The following MOB3C variants were observed in gnomAD, a reference collection of about 807,000 sequenced individuals.
The protein encoded by MOB3C is MOB1, Mps One Binder kinase activator-like 2C.
MOB3C carries 17 observed loss-of-function variants against 19.8 expected under a neutral mutation model. The observed-to-expected ratio is 0.86, with a 90% confidence interval of 0.59 to 1.29. The LOEUF (loss-of-function observed/expected upper bound fraction) is 1.29. Among genes scored for constraint, MOB3C ranks in the 50% most tolerant of loss-of-function variants. MOB3C has a pLI of 0.00. For missense variants in MOB3C, 291 were observed against 301.9 expected (o/e 0.96, Z 0.27); for synonymous variants, 101 against 119.2 (o/e 0.85, Z 0.99).
intron 1 of MOB3C, 38 bp from the exon 2 acceptor site, chr1:46,613,409 G>A (rs778883520): frequency 1.3e-6 from 2 of 1,535,856 alleles, no homozygotes; most frequent in Non-Finnish European, 1.8e-6. Flanking sequence ...TGGCGGTCAA[G>A]GCCTTATCAT....
rs1343755115 is a variant in MOB3C, at chr1:46,613,240, AGCGCT to A, written c.77_81del (p.Gln26LeufsTer2). The A allele has an allele frequency of 6.2e-7, 1 of 1,614,072 alleles. No homozygotes were observed. Among genetic ancestry groups the A allele is most frequent in the Admixed American group, 1.7e-5 (1 of 60,026 alleles). ...GCCTGTGCCTTCTTGTACAGCTCAAAGCGCTGTGTGCCCGGCTCAAAGCGCTTCCG... is the reference window on the plus strand; with the variant it reads ...GCCTGTGCCTTCTTGTACAGCTCAAAGTGTGCCCGGCTCAAAGCGCTTCCG... On this transcript the variant is annotated frameshift_variant, in exon 2 of 4. Transcript: ENST00000319928. LOFTEE classifies it high-confidence loss of function.
chr1:46,609,345 C>T lies in MOB3C; in HGVS notation c.*310G>A. ...GCCACACCCACATTCCTCCAATAGG[C>T]TTGGGAACCAGCATGGAAGGGTCAA... On this transcript the variant is annotated 3_prime_UTR_variant, in exon 4 of 4. Coordinates refer to ENST00000319928, the MANE Select transcript of MOB3C (RefSeq NM_201403.3). 1 of 475,334 alleles carries T rather than the reference C, an allele frequency of 2.1e-6. No homozygotes were observed. 29.4% of individuals were successfully genotyped at this position (475,334 alleles called of 1,614,324 possible). A position where few individuals can be genotyped will look rare whatever the true frequency, so the allele number is the denominator to read the frequency against.
At chr1:46,614,793 G>T in intron 1 of MOB3C, 1 of 548,490 alleles carries the variant, frequency 1.8e-6, no homozygotes. Flanking sequence ...CACATATTTC[G>T]GGGAGGGGTA....
intron 1 of MOB3C, chr1:46,615,165 T>C: frequency 2.0e-6 from 2 of 990,542 alleles, no homozygotes; most frequent in Non-Finnish European, 3.2e-6. Context: ...GCTCCCCACA[T>C]TGCATGGCCC....
chr1:46,616,631 C>T (rs914506393), intron 1 of MOB3C, 80 bp downstream of exon 1: 5 of 152,530 alleles, frequency 3.3e-5, no homozygotes, highest in African/African-American at 1.2e-4. Context: ...TGTGCCACGC[C>T]AGGACGGCCG....
intron 1 of MOB3C, chr1:46,614,767 A>G (rs539471471): frequency 1.9e-6 from 1 of 538,080 alleles, no homozygotes; most frequent in East Asian, 3.0e-5. Context: ...ACACCTGGGT[A>G]AAAGCAAAGG....
rs1675472730 is a variant in MOB3C, at chr1:46,611,776, C to T, written c.418+1128G>A. Among the ~76,000 whole-genome samples the T allele has an allele frequency of 6.6e-6, 1 of 152,214 alleles. No individual in the cohort carries two copies. The highest frequency in any genetic ancestry group is 2.4e-5 in the African/African-American group (1 of 41,452). ...ACTTTCCCTCAGTAGCCTCAAGTTT[C>T]CTCCTATGTAAAATGAAGGTGCTCC... On this transcript the variant is annotated intron_variant, in intron 2 of 3. Coordinates refer to ENST00000319928, the MANE Select transcript of MOB3C (RefSeq NM_201403.3). The surrounding 1 kb of genome is among the most constrained non-coding windows in gnomAD (Gnocchi z 4.1).
chr1:46,613,546 ATG>A, intron 1 of MOB3C, 175 bp from the exon 2 acceptor site: 1 of 629,108 alleles, frequency 1.6e-6, no homozygotes, highest in South Asian at 2.0e-5. Flanking sequence ...TTTCCAGGCT[ATG>A]TTAGTCCCCC....
At chr1:46,616,313 C>G (rs1179343298) in intron 1 of MOB3C, 1 of 152,332 alleles carries the variant, frequency 6.6e-6, no homozygotes, top group Admixed American at 6.5e-5. Context: ...GGGACTCTCT[C>G]TAGGACAGAG....
chr1:46,610,092 C>T lies in MOB3C; in HGVS notation c.531G>A (p.Gly177=), dbSNP rs989268746. The part of the protein sequence containing the change: ...IHHFDSILSM[G]AEAHVNTCYK... ...AGCAGGTGTTGACGTGCGCCTCTGC[C>T]CCCATGCTGAGGATGCTATCGAAGT... The change falls in exon 3 of 4, where the codon GGG becomes GGA. Residue 177 remains glycine, a synonymous_variant. Transcript: ENST00000319928. 2.5e-6 allele frequency: 4 copies of T among 1,614,062 alleles called. No homozygotes were observed. In the African/African-American group the frequency reaches 4.0e-5, roughly 16 times the overall value.
At position 46,613,144 on chromosome 1, in the gene MOB3C, T is replaced by C. The variant is rs1301459575; in HGVS notation, c.178A>G (p.Ile60Val). The C allele has an allele frequency of 2.5e-6, 4 of 1,614,252 alleles. No individual in the cohort carries two copies. In the South Asian group the frequency reaches 3.3e-5, roughly 13 times the overall value. ...LPPGENIDDW[I>V]AVHVVDFFNR... ...AAGAAGTCCACCACGTGCACGGCGA[T>C]CCAGTCGTCGATGTTCTCCCCGGGT... Residue 60 changes from isoleucine (I) to valine (V), a missense_variant, in exon 2 of 4, where the codon ATC becomes GTC. By Grantham distance (29) the Ile-to-Val change is conservative (BLOSUM62 3). Coordinates refer to ENST00000319928, the MANE Select transcript of MOB3C (RefSeq NM_201403.3).
intron 2 of MOB3C, 72 bp from the exon 3 acceptor site, chr1:46,610,276 C>T (rs1675443672): frequency 2.1e-6 from 3 of 1,435,910 alleles, no homozygotes; most frequent in African/African-American, 1.4e-5. Context: ...TTCCCTCCCA[C>T]ACACAGGCAA....
chr1:46,613,493 T>A, intron 1 of MOB3C, 122 bp from the exon 2 acceptor site: 1 of 980,042 alleles, frequency 1.0e-6, no homozygotes, highest in Non-Finnish European at 1.5e-6. Flanking sequence ...ATCCTCTGCC[T>A]GGAATCTAAG....
Position 46,611,759 on chromosome 1 carries a change from T to C in MOB3C, c.418+1145A>G, listed in dbSNP as rs1675472517. Among the ~76,000 whole-genome samples, 1 of 152,178 alleles carries C rather than the reference T, an allele frequency of 6.6e-6. No individual in the cohort carries two copies. The stretch of plus-strand genomic sequence containing the variant: ...TCCTCCCAGTTCAGTGCACTTTCCC[T>C]CAGTAGCCTCAAGTTTCCTCCTATG... On this transcript the variant is annotated intron_variant, in intron 2 of 3. Coordinates refer to ENST00000319928, the MANE Select transcript of MOB3C (RefSeq NM_201403.3). This position sits in a 1 kb window ranked among gnomAD's most constrained non-coding sequence, Gnocchi z 4.1.
chr1:46,610,920 T>G (rs1675454155), intron 2 of MOB3C, among the ~76,000 whole-genome samples: 1 of 152,188 alleles, frequency 6.6e-6, no homozygotes, highest in South Asian at 2.1e-4. Flanking sequence ...GTTCAACAAC[T>G]GGGTCCATTT....
chr1:46,608,291 A>T lies in MOB3C; in HGVS notation c.*1364T>A, dbSNP rs1454168327. On this transcript the variant is annotated 3_prime_UTR_variant, in exon 4 of 4. Transcript: ENST00000319928. This position sits in a 1 kb window ranked among gnomAD's most constrained non-coding sequence, Gnocchi z 4.5. ...CTTCTCCTGGCTTCAGTTTCCCCGTATGTACATTGAGACAGTAAGACTGGA... is the reference window on the plus strand; with the variant it reads ...CTTCTCCTGGCTTCAGTTTCCCCGTTTGTACATTGAGACAGTAAGACTGGA... 6.6e-6 allele frequency: 1 copy of T among 152,148 alleles called. No individual in the cohort carries two copies. The allele number at this position is 152,148 out of a possible 1,614,324, so 9.4% of individuals were successfully genotyped here.
At chr1:46,609,856 A>G (rs1349789133) in intron 3 of MOB3C, 146 bp downstream of exon 3, 10 of 1,215,732 alleles carry the variant, frequency 8.2e-6, no homozygotes, top group East Asian at 2.4e-5. Context: ...TGAATTCTCT[A>G]TTGAAGTACA....
intron 2 of MOB3C, among the ~76,000 whole-genome samples, chr1:46,610,857 T>C (rs1373013665): frequency 6.6e-6 from 1 of 152,202 alleles, no homozygotes; most frequent in Non-Finnish European, 1.5e-5. Context: ...CCCAGAAATA[T>C]GTGCAATTGC....
At position 46,610,210 on chromosome 1, in the gene MOB3C, G is replaced by C. The variant is rs1258691210; in HGVS notation, c.419-6C>G. The C allele has an allele frequency of 6.2e-7, 1 of 1,613,548 alleles. No homozygotes were observed. The highest frequency in any genetic ancestry group is 1.3e-5 in the African/African-American group (1 of 74,898). Reference sequence around the variant, plus strand: ...GTTCTTAGGGAAGGGAACTCCTAGAGGGCAGGGGAGGGCAGAAGGGGATCA... The same window carrying C: ...GTTCTTAGGGAAGGGAACTCCTAGACGGCAGGGGAGGGCAGAAGGGGATCA... On this transcript the variant is annotated splice_polypyrimidine_tract_variant and splice_region_variant and intron_variant, in intron 2 of 3. Transcript: ENST00000319928.
Sources: gnomAD v4.1 joint callset for allele counts (sites outside exome capture counted in the v4.1 genomes callset) on GRCh38, gnomAD v4.1.1 for gene constraint, Gnocchi (gnomAD v3.1) non-coding constraint, MANE v1.5 for transcripts, NCBI Gene and HGNC (gene_info 2026-07-23, HGNC 2026-07-21) for gene names.